Variants in PLD5 observed in about 807,000 individuals in gnomAD.
PLD5 encodes the protein phospholipase D family member 5, also known as inactive phospholipase D5.
PLD5 carries 36 observed loss-of-function variants against 61.1 expected under a neutral mutation model. The ratio of observed to expected loss-of-function variants is 0.59; its 90% CI spans 0.45 to 0.78. PLD5 has a LOEUF of 0.78. PLD5 is among the 30% of genes least tolerant of loss of function. PLD5 has a pLI of 0.00. For synonymous variants in PLD5, 243 were observed against 242.8 expected (o/e 1.00, Z -0.01); for missense variants, 515 against 644.4 (o/e 0.80, Z 2.17).
chr1:242,363,154 G>A (rs1661161526), intron 1 of PLD5, among the ~76,000 whole-genome samples: 1 of 152,082 alleles, frequency 6.6e-6, no homozygotes, highest in Non-Finnish European at 1.5e-5. Flanking sequence ...GTCACCTGGG[G>A]CACACCTGCC....
chr1:242,336,404 C>T (rs1301631833), intron 2 of PLD5, among the ~76,000 whole-genome samples: 1 of 152,132 alleles, frequency 6.6e-6, no homozygotes, highest in African/African-American at 2.4e-5. Context: ...CCCCAAGGAA[C>T]CTAAATGTCT....
intron 6 of PLD5, among the ~76,000 whole-genome samples, chr1:242,119,468 C>T (rs1662202539): frequency 6.6e-6 from 1 of 152,102 alleles, no homozygotes; most frequent in Non-Finnish European, 1.5e-5. Flanking sequence ...GACTTGTATA[C>T]AGACTGTATA....
chr1:242,429,310 T>C (rs1665593092), intron 1 of PLD5, among the ~76,000 whole-genome samples: 1 of 152,222 alleles, frequency 6.6e-6, no homozygotes, highest in Non-Finnish European at 1.5e-5. Flanking sequence ...AATGCAAGCT[T>C]ACCGGGAATA....
At chr1:242,432,508 G>C (rs115779442) in intron 1 of PLD5, among the ~76,000 whole-genome samples, 3,230 of 152,304 alleles carry the variant, frequency 0.021, 129 homozygotes, top group African/African-American at 0.072. Context: ...TGGAAGGTGT[G>C]TCTTTAGAAA....
intron 5 of PLD5, among the ~76,000 whole-genome samples, chr1:242,201,778 T>C (rs1669003811): frequency 6.6e-6 from 1 of 152,194 alleles, no homozygotes; most frequent in Non-Finnish European, 1.5e-5. Flanking sequence ...AAAACTTCCA[T>C]GGTTTAAAGT....
intron 4 of PLD5, among the ~76,000 whole-genome samples, chr1:242,259,300 C>T (rs1011841523): frequency 7.0e-6 from 1 of 142,692 alleles, no homozygotes; most frequent in African/African-American, 2.5e-5. Flanking sequence ...TGGAGCAAGA[C>T]ATCACCCCTC....
Position 242,084,975 on chromosome 1 carries a change from C to CATCTAATATTTACTTCTGAAAAAACT in PLD5, c.*4853_*4878dup, listed in dbSNP as rs1659386675. ...GCCTCATCTCACAGTATGAAAAAGC[C>CATCTAATATTTACTTCTGAAAAAACT]ATCTAATATTTACTTCTGAAAAAAC... On this transcript the variant is annotated 3_prime_UTR_variant, in exon 10 of 10. Coordinates refer to ENST00000536534, the MANE Select transcript of PLD5 (RefSeq NM_001372062.1). 6.6e-6 allele frequency: 1 copy of CATCTAATATTTACTTCTGAAAAAACT among 151,788 alleles called. No homozygotes were observed. Among genetic ancestry groups the CATCTAATATTTACTTCTGAAAAAACT allele is most frequent in the Admixed American group, 6.6e-5 (1 of 15,218 alleles). 9.4% of individuals were successfully genotyped at this position (151,788 alleles called of 1,614,324 possible).
At chr1:242,110,350 T>C (rs533072159) in intron 7 of PLD5, among the ~76,000 whole-genome samples, 1 of 152,190 alleles carries the variant, frequency 6.6e-6, no homozygotes, top group South Asian at 2.1e-4. Context: ...TCTCATTAAA[T>C]GTACCTCAGG....
chr1:242,403,656 C>CA (rs1444350474), intron 1 of PLD5, among the ~76,000 whole-genome samples: 2 of 151,638 alleles, frequency 1.3e-5, no homozygotes, highest in Non-Finnish European at 2.9e-5. Flanking sequence ...TTTTTAGAGA[C>CA]AGAGTTTCAC....
intron 5 of PLD5, among the ~76,000 whole-genome samples, chr1:242,135,024 C>T (rs895749486): frequency 2.0e-5 from 3 of 152,192 alleles, no homozygotes; most frequent in African/African-American, 4.8e-5. Context: ...GCTCTCCAGC[C>T]TTCTTGACTT....
intron 1 of PLD5, among the ~76,000 whole-genome samples, chr1:242,408,872 G>A (rs1395709184): frequency 1.3e-5 from 2 of 152,068 alleles, no homozygotes; most frequent in African/African-American, 2.4e-5. Flanking sequence ...TTCGAGACCA[G>A]CCTGGCCAAC....
intron 2 of PLD5, among the ~76,000 whole-genome samples, chr1:242,336,016 T>C (rs1659480965): frequency 6.6e-6 from 1 of 152,208 alleles, no homozygotes; most frequent in African/African-American, 2.4e-5. Context: ...ATTTCTCCTA[T>C]GTATGCAGAG....
At chr1:242,278,620 A>G (rs1383195110) in intron 3 of PLD5, among the ~76,000 whole-genome samples, 1 of 152,140 alleles carries the variant, frequency 6.6e-6, no homozygotes, top group Non-Finnish European at 1.5e-5. Context: ...GCATGAGCCA[A>G]TTTGCTGAGA....
rs193120726 is a variant in PLD5 at position 242,428,048 on chromosome 1, C to T, written c.190-79806G>A. Among the ~76,000 whole-genome samples the T allele has an allele frequency of 8.5e-5, 13 of 152,272 alleles. No homozygotes were observed. The East Asian group carries it at 2.5e-3, about 29-fold the overall frequency. On this transcript the variant is annotated intron_variant, in intron 1 of 9. Transcript: ENST00000536534. ...GTGGAAGTTTCACCCTAGAGAATTT[C>T]CAGAAACTTCCAAATACACTCCTGT...
intron 2 of PLD5, among the ~76,000 whole-genome samples, chr1:242,300,167 A>C (rs1675940511): frequency 6.6e-6 from 1 of 152,222 alleles, no homozygotes; most frequent in African/African-American, 2.4e-5. Flanking sequence ...AGCCAGGCAT[A>C]GTGGCTCACT....
chr1:242,513,067 A>G (rs12087011), intron 1 of PLD5, among the ~76,000 whole-genome samples: 8,970 of 151,948 alleles, frequency 0.059, 940 homozygotes, highest in African/African-American at 0.21. Flanking sequence ...TTTTGTAGAG[A>G]CAGGATCTCA....
At chr1:242,189,567 G>C (rs2841896) in intron 5 of PLD5, among the ~76,000 whole-genome samples, 3,261 of 145,858 alleles carry the variant, frequency 0.022, 105 homozygotes, top group African/African-American at 0.066. Context: ...TAGACACATA[G>C]GGCCATACTA....
At chr1:242,239,419 C>T (rs748595247) in intron 4 of PLD5, among the ~76,000 whole-genome samples, 1 of 152,110 alleles carries the variant, frequency 6.6e-6, no homozygotes, top group Non-Finnish European at 1.5e-5. Flanking sequence ...TTTTAAAGCC[C>T]GTTAACACTA....
rs1434626882 is a variant in PLD5, at chr1:242,107,728, G to A, written c.1182C>T (p.Asn394=). Residue 394 remains asparagine (N), a synonymous_variant, in exon 8 of 10, where the codon AAC becomes AAT. Coordinates refer to ENST00000536534, the MANE Select transcript of PLD5 (RefSeq NM_001372062.1). Reference sequence around the variant, plus strand: ...AAATCGCTTTAAGAGATGAAATAAAGTTAAACGTAAGGGGATCAGTTTCCT... The same window carrying A: ...AAATCGCTTTAAGAGATGAAATAAAATTAAACGTAAGGGGATCAGTTTCCT... ...FWKETDPLTF[N]FISSLKAICT... The A allele has an allele frequency of 1.2e-6, 2 of 1,609,386 alleles. No individual in the cohort carries two copies. Among genetic ancestry groups the A allele is most frequent in the South Asian group, 1.1e-5 (1 of 89,616 alleles).
Sources: allele counts gnomAD v4.1 joint callset (sites outside exome capture counted in the v4.1 genomes callset), GRCh38; gene constraint gnomAD v4.1.1; transcripts MANE v1.5; gene names NCBI Gene and HGNC (gene_info 2026-07-23, HGNC 2026-07-21).